TNS1: variants seen among roughly 807,000 people sequenced by gnomAD.
TNS1 encodes tensin 1.
Under a neutral mutation model 168.6 loss-of-function variants are expected in TNS1, and 62 were observed. The observed-to-expected ratio is 0.37, with a 90% CI of 0.30 to 0.45. The LOEUF (loss-of-function observed/expected upper bound fraction) is 0.45, where lower values mean the gene tolerates loss of function less well. Ranked by LOEUF, TNS1 falls within the 20% of genes least tolerant of loss-of-function variation. The pLI is 1.00. For synonymous variants in TNS1, 934 were observed against 933.2 expected (o/e 1.00, Z -0.02); for missense variants, 2,240 against 2,339.4 (o/e 0.96, Z 0.88).
intron 3 of TNS1, among the ~76,000 whole-genome samples, chr2:217,947,208 G>A (rs1024582025): frequency 1.2e-4 from 18 of 151,812 alleles, no homozygotes; most frequent in African/African-American, 4.1e-4. Flanking sequence ...TTCCAGTTGC[G>A]GTTGGTCCCT....
At chr2:217,970,059 C>A (rs1451612314) in intron 3 of TNS1, among the ~76,000 whole-genome samples, 1 of 151,888 alleles carries the variant, frequency 6.6e-6, no homozygotes, top group Non-Finnish European at 1.5e-5. Context: ...GATGTGAGGA[C>A]ACAGGTAGGC....
Position 217,804,457 on chromosome 2 carries a change from G to A in TNS1, c.*2C>T. ...GCACTGGCCCTGGGCAAGGGGCAGG[G>A]TTCATCTCTTTTGGCCGGCATTCAG... is the stretch of plus-strand genomic sequence containing the variant. On this transcript the variant is annotated 3_prime_UTR_variant, in exon 33 of 33. Transcript: ENST00000682258. The A allele has an allele frequency of 1.9e-6, 3 of 1,614,100 alleles. No individual in the cohort carries two copies. The highest frequency in any genetic ancestry group is 2.2e-5 in the South Asian group (2 of 91,070).
intron 22 of TNS1, 43 bp from the exon 23 acceptor site, chr2:217,821,981 AG>A: frequency 6.5e-7 from 1 of 1,535,672 alleles, no homozygotes; most frequent in Admixed American, 2.1e-5. Context: ...ACAGATGCAC[AG>A]GGGTGCAGTG....
chr2:217,893,392 GCGCGCGCGCACACA>G, intron 10 of TNS1, 33 bp downstream of exon 10: 2 of 1,479,018 alleles, frequency 1.4e-6, no homozygotes, highest in African/African-American at 3.6e-5. Context: ...GTGCGCATGT[GCGCGCGCGCACACA>G]CACACACACA....
chr2:217,985,492 C>T (rs999228366), intron 2 of TNS1: 2 of 152,106 alleles, frequency 1.3e-5, no homozygotes, highest in African/African-American at 4.8e-5. Context: ...AATCTCGGCT[C>T]ACCACAACCT....
chr2:217,830,347 G>A, intron 22 of TNS1: 1 of 1,614,104 alleles, frequency 6.2e-7, no homozygotes, highest in Non-Finnish European at 8.5e-7. Context: ...GGTCACAAAT[G>A]CATGCCACTG....
chr2:217,826,391 A>C (rs1349812213), intron 22 of TNS1, among the ~76,000 whole-genome samples: 2 of 152,064 alleles, frequency 1.3e-5, no homozygotes, highest in African/African-American at 4.8e-5. Flanking sequence ...CCACCCCAGG[A>C]CAATATACTT....
At chr2:217,839,538 A>T (rs1449200703) in intron 19 of TNS1, among the ~76,000 whole-genome samples, 5 of 151,852 alleles carry the variant, frequency 3.3e-5, no homozygotes, top group African/African-American at 7.3e-5. Flanking sequence ...GAGGCAATTA[A>T]TCCCCTTCAT....
At chr2:217,872,172 G>A (rs1041176472) in intron 18 of TNS1, among the ~76,000 whole-genome samples, 2 of 152,176 alleles carry the variant, frequency 1.3e-5, no homozygotes, top group Admixed American at 1.3e-4. Context: ...TTGTAAAAGA[G>A]GCCTGAGGAC....
At chr2:217,967,198 G>A (rs1440673180) in intron 3 of TNS1, among the ~76,000 whole-genome samples, 1 of 152,152 alleles carries the variant, frequency 6.6e-6, no homozygotes, top group Non-Finnish European at 1.5e-5. Flanking sequence ...GCAGGCACCT[G>A]TAGTCCCAGC....
intron 25 of TNS1, among the ~76,000 whole-genome samples, chr2:217,814,487 A>G (rs1387152659): frequency 6.6e-6 from 1 of 152,202 alleles, no homozygotes; most frequent in African/African-American, 2.4e-5. Flanking sequence ...AAAAGCAGGC[A>G]GCATCCAGAT....
intron 3 of TNS1, among the ~76,000 whole-genome samples, chr2:217,956,889 C>T: frequency 6.6e-6 from 1 of 152,286 alleles, no homozygotes; most frequent in Admixed American, 6.5e-5. Flanking sequence ...CAAACTGAGG[C>T]ATGAGGCCTC....
At chr2:217,979,083 G>A in intron 2 of TNS1, 1 of 440,012 alleles carries the variant, frequency 2.3e-6, no homozygotes. Context: ...GGAGCAAAGG[G>A]GGGGGTCCCC....
Position 218,032,821 on chromosome 2 carries a change from C to T in TNS1, c.156+999G>A, listed in dbSNP as rs1458833909. On this transcript the variant is annotated intron_variant, in intron 1 of 1. Transcript: ENST00000649572. The surrounding 1 kb of genome is among the most constrained non-coding windows in gnomAD (Gnocchi z 4.0). ...GACAGAGGAGGGAGGGAGTCACAGGCGAGCTCCAGGCTCTCTCCAGAGGCC... is the reference window on the plus strand; with the variant it reads ...GACAGAGGAGGGAGGGAGTCACAGGTGAGCTCCAGGCTCTCTCCAGAGGCC... Among the ~76,000 whole-genome samples, 1 of 152,120 alleles carries T rather than the reference C, an allele frequency of 6.6e-6. No individual in the cohort carries two copies. Among genetic ancestry groups the T allele is most frequent in the African/African-American group, 2.4e-5 (1 of 41,412 alleles).
Position 217,910,618 on chromosome 2 carries a change from A to G in TNS1, c.229-3367T>C, listed in dbSNP as rs1954264330. ...ACCATTGACACTGCCTAATGAGTCCAGCTGGCACTCCCGGGACCCTCTGGA... is the reference window on the plus strand; with the variant it reads ...ACCATTGACACTGCCTAATGAGTCCGGCTGGCACTCCCGGGACCCTCTGGA... On this transcript the variant is annotated intron_variant, in intron 4 of 32. Coordinates refer to ENST00000682258, the MANE Select transcript of TNS1 (RefSeq NM_001387777.1). Among the ~76,000 whole-genome samples, 5 of 151,814 alleles carry G rather than the reference A, an allele frequency of 3.3e-5. No individual in the cohort carries two copies. In the South Asian group the frequency reaches 1.0e-3, roughly 32 times the overall value.
intron 1 of TNS1, among the ~76,000 whole-genome samples, chr2:218,022,498 A>G (rs1958814371): frequency 6.6e-6 from 1 of 152,172 alleles, no homozygotes; most frequent in Non-Finnish European, 1.5e-5. Context: ...GCACGTACAC[A>G]CATACACACA....
chr2:217,916,224 A>G (rs1006834180), intron 4 of TNS1, among the ~76,000 whole-genome samples: 2 of 152,152 alleles, frequency 1.3e-5, no homozygotes, highest in African/African-American at 2.4e-5. Context: ...TCGGGCTCCC[A>G]TGGTGTCCCC....
upstream of TNS1, among the ~76,000 whole-genome samples, chr2:218,006,683 T>C (rs1188326336): frequency 6.6e-6 from 1 of 152,150 alleles, no homozygotes; most frequent in Non-Finnish European, 1.5e-5. Context: ...GGATGCCCAC[T>C]CCTTGGTTCC....
At chr2:217,924,036 T>C (rs1292771174) in intron 3 of TNS1, among the ~76,000 whole-genome samples, 1 of 152,214 alleles carries the variant, frequency 6.6e-6, no homozygotes, top group African/African-American at 2.4e-5. Flanking sequence ...GGGAACTCCC[T>C]GCATGACCCA....
Sources: allele counts gnomAD v4.1 joint callset (sites outside exome capture counted in the v4.1 genomes callset), GRCh38; gene constraint gnomAD v4.1.1; non-coding constraint Gnocchi (gnomAD v3.1); transcripts MANE v1.5; gene names NCBI Gene and HGNC (gene_info 2026-07-23, HGNC 2026-07-21).